The following IFT140 variants were observed in gnomAD, a reference collection of about 807,000 sequenced individuals.
The protein encoded by IFT140 is intraflagellar transport protein 140 homolog.
IFT140 carries 133 observed loss-of-function variants against 164.6 expected under a neutral mutation model. The observed-to-expected ratio is 0.81, with a 90% CI of 0.70 to 0.93. The LOEUF is 0.93. IFT140 is among the 40% of genes least tolerant of loss of function. The pLI is 0.00. For synonymous variants in IFT140, 860 were observed against 817.3 expected (o/e 1.05, Z -0.89); for missense variants, 2,045 against 1,972.3 (o/e 1.04, Z -0.70).
intron 4 of IFT140, among the ~76,000 whole-genome samples, chr16:1,595,094 G>T (rs1031266154): frequency 6.6e-6 from 1 of 152,026 alleles, no homozygotes; most frequent in African/African-American, 2.4e-5. Flanking sequence ...GACCCTCCTG[G>T]CTAACACGGT....
intron 19 of IFT140, among the ~76,000 whole-genome samples, chr16:1,539,952 C>T (rs570360478): frequency 2.2e-4 from 34 of 152,294 alleles, no homozygotes; most frequent in Admixed American, 2.6e-4. Context: ...CCACCCAGGC[C>T]GGAGCGGGCA....
chr16:1,518,342 G>A lies in IFT140; in HGVS notation c.4056C>T (p.Asp1352=), dbSNP rs140265753. 3.2e-5 allele frequency: 52 copies of A among 1,613,842 alleles called. No homozygotes were observed. Among genetic ancestry groups the A allele is most frequent in the Non-Finnish European group, 4.4e-5 (52 of 1,179,996 alleles). Residue 1352 remains aspartate, a synonymous_variant, in exon 30 of 31, where the codon GAC becomes GAT. Coordinates refer to ENST00000426508, the MANE Select transcript of IFT140 (RefSeq NM_014714.4). ...CACACTGCTTGATGGACTCCTTGGG[G>A]TCCTCTGTGTACGTCCTGCCGAGAG... ...FIQARRTYTE[D]PKESIKQCEL... is the part of the protein sequence containing the mutation.
intron 19 of IFT140, among the ~76,000 whole-genome samples, chr16:1,548,972 C>G (rs1008227761): frequency 1.3e-5 from 2 of 152,364 alleles, no homozygotes. Context: ...CTTTCTTCGT[C>G]AGGGTAGGAT....
intron 4 of IFT140, among the ~76,000 whole-genome samples, chr16:1,597,189 G>A (rs2035506955): frequency 6.6e-6 from 1 of 152,166 alleles, no homozygotes; most frequent in Non-Finnish European, 1.5e-5. Context: ...CCTCAGACTT[G>A]GCTCGCAGGA....
chr16:1,550,407 A>G (rs1419561103), intron 19 of IFT140, among the ~76,000 whole-genome samples: 2 of 152,274 alleles, frequency 1.3e-5, no homozygotes, highest in Non-Finnish European at 2.9e-5. Flanking sequence ...TTCAAAAGCT[A>G]TGACACTGAT....
Position 1,511,167 on chromosome 16 carries a change from GACATT to G in IFT140, c.4183-22_4183-18del. On this transcript the variant is annotated intron_variant, in intron 30 of 30. Coordinates refer to ENST00000426508, the MANE Select transcript of IFT140 (RefSeq NM_014714.4). ...TCTGTAGGCCTGGGGCAGAGGAGCA[GACATT>G]ACTCAGCTTTCCTGAACAACCAGGC... 1 of 1,587,962 alleles carries G rather than the reference GACATT, an allele frequency of 6.3e-7. No homozygotes were observed. The highest frequency in any genetic ancestry group is 8.6e-7 in the Non-Finnish European group (1 of 1,167,856).
intron 19 of IFT140, among the ~76,000 whole-genome samples, chr16:1,543,051 A>C (rs1214530285): frequency 2.0e-5 from 3 of 152,228 alleles, no homozygotes; most frequent in African/African-American, 7.2e-5. Context: ...AGAGGTTTGA[A>C]GACTGTGGGC....
In IFT140 at chr16:1,534,153, G is replaced by A. The variant is rs780232915; in HGVS notation, c.2400-7357C>T. On this transcript the variant is annotated intron_variant, in intron 19 of 30. Transcript: ENST00000426508. The stretch of plus-strand genomic sequence containing the variant: ...GACCATCCCATGGGCCTCCGCCCGC[G>A]CCGCCCCGAGGATGAGTGGTGATGT... 1.0e-5 allele frequency: 13 copies of A among 1,293,974 alleles called. No homozygotes were observed. In the East Asian group the frequency reaches 1.0e-4, roughly 10 times the overall value. The allele number at this position is 1,293,974 out of a possible 1,614,324, so 80.2% of individuals were successfully genotyped here. A position where few individuals can be genotyped will look rare whatever the true frequency, so the allele number is the denominator to read the frequency against.
chr16:1,583,637 G>A (rs1240890694), intron 11 of IFT140, among the ~76,000 whole-genome samples: 1 of 150,212 alleles, frequency 6.7e-6, no homozygotes, highest in East Asian at 1.9e-4. Context: ...TTTGGGGAAT[G>A]GCAAAGAAAG....
At chr16:1,600,745 G>A (rs1008270736) in intron 4 of IFT140, among the ~76,000 whole-genome samples, 2 of 152,086 alleles carry the variant, frequency 1.3e-5, no homozygotes, top group African/African-American at 4.8e-5. Context: ...AAAAGAATGA[G>A]GAAATCAGGA....
At chr16:1,583,652 CCT>C (rs945909890) in intron 11 of IFT140, among the ~76,000 whole-genome samples, 4 of 150,880 alleles carry the variant, frequency 2.7e-5, no homozygotes, top group African/African-American at 9.8e-5. Context: ...AGAAAGTATC[CCT>C]CTCTTTCCTT....
chr16:1,530,133 C>CTTTTTTTTTTTTTTTTTTTTTTTTT (rs922819138), intron 19 of IFT140, among the ~76,000 whole-genome samples: 16 of 88,586 alleles, frequency 1.8e-4, no homozygotes, highest in African/African-American at 3.8e-4. Flanking sequence ...CGACGGGAAT[C>CTTTTTTTTTTTTTTTTTTTTTTTTT]TTTTTTTTTT....
chr16:1,539,586 C>T (rs1007815631), intron 19 of IFT140, among the ~76,000 whole-genome samples: 51 of 152,272 alleles, frequency 3.3e-4, no homozygotes, highest in Non-Finnish European at 6.6e-4. Context: ...TCTGTTCCTT[C>T]TTTAGAGAGA....
At chr16:1,554,200 T>C in intron 19 of IFT140, 1 of 1,131,300 alleles carries the variant, frequency 8.8e-7, no homozygotes. Flanking sequence ...AGCTGCAGAC[T>C]CCAGGCCATC....
chr16:1,557,612 G>A, intron 19 of IFT140: 1 of 275,976 alleles, frequency 3.6e-6, no homozygotes, highest in East Asian at 7.4e-5. Context: ...GCTGTTTTTA[G>A]TGTTTACTTG....
intron 19 of IFT140, among the ~76,000 whole-genome samples, chr16:1,529,337 T>C (rs1203960413): frequency 2.0e-5 from 3 of 152,118 alleles, no homozygotes; most frequent in Non-Finnish European, 4.4e-5. Context: ...GGCCGGGAAG[T>C]GAGCCTGCCT....
intron 4 of IFT140, among the ~76,000 whole-genome samples, chr16:1,595,208 C>T (rs1039648423): frequency 6.6e-6 from 1 of 152,104 alleles, no homozygotes; most frequent in Non-Finnish European, 1.5e-5. Flanking sequence ...TGGTGTGAAC[C>T]CAGGAGGCGG....
chr16:1,553,525 G>C lies in IFT140; in HGVS notation c.2399+4410C>G. On this transcript the variant is annotated intron_variant, in intron 19 of 30. Transcript: ENST00000426508. This position sits in a 1 kb window ranked among gnomAD's most constrained non-coding sequence, Gnocchi z 4.4. ...TGGCCGGAGCCTGGGGAGGGACATG[G>C]ACAAGTCCTCTATGGACAAGAGGGG... 1 of 995,116 alleles carries C rather than the reference G, an allele frequency of 1.0e-6. No homozygotes were observed. 61.6% of individuals were successfully genotyped at this position (995,116 alleles called of 1,614,324 possible). A position where few individuals can be genotyped will look rare whatever the true frequency, so the allele number is the denominator to read the frequency against.
chr16:1,554,208 A>G, intron 19 of IFT140: 1 of 1,058,812 alleles, frequency 9.4e-7, no homozygotes, highest in Admixed American at 2.8e-5. Flanking sequence ...ACTCCAGGCC[A>G]TCTGGAGTTC....
Sources: allele counts gnomAD v4.1 joint callset (sites outside exome capture counted in the v4.1 genomes callset), GRCh38; gene constraint gnomAD v4.1.1; non-coding constraint Gnocchi (gnomAD v3.1); transcripts MANE v1.5; gene names NCBI Gene and HGNC (gene_info 2026-07-23, HGNC 2026-07-21).